The following INVS variants were observed in gnomAD, a reference collection of about 807,000 sequenced individuals.
INVS encodes the protein inversion of embryo turning homolog.
Under a neutral mutation model 108.8 loss-of-function variants are expected in INVS, and 86 were observed. That is an observed-to-expected ratio of 0.79 (90% CI 0.66 to 0.95). The LOEUF (loss-of-function observed/expected upper bound fraction) is 0.95. INVS is among the 40% of genes least tolerant of loss of function. The pLI is 0.00. For synonymous variants in INVS, 455 were observed against 473.5 expected (o/e 0.96, Z 0.51); for missense variants, 1,169 against 1,297.4 (o/e 0.90, Z 1.52).
At chr9:100,245,914 C>A (rs914947390) in intron 7 of INVS, among the ~76,000 whole-genome samples, 1 of 151,956 alleles carries the variant, frequency 6.6e-6, no homozygotes, top group Non-Finnish European at 1.5e-5. Context: ...CCTGTAATTC[C>A]AGCACTTTGG....
Position 100,292,600 on chromosome 9 carries a change from C to T in INVS, c.2343C>T (p.Asp781=). The T allele has an allele frequency of 6.2e-7, 1 of 1,614,210 alleles. No homozygotes were observed. The highest frequency in any genetic ancestry group is 8.5e-7 in the Non-Finnish European group (1 of 1,180,038). Residue 781 remains aspartate (D), a synonymous_variant, in exon 14 of 17, where the codon GAC becomes GAT. Coordinates refer to ENST00000262457, the MANE Select transcript of INVS (RefSeq NM_014425.5). ...DSHWKPSRRH[D]TEPKAKCAPQ... ...ACTGGAAGCCCAGCAGGCGGCATGACACAGAACCCAAGGCCAAATGTGCCC... is the reference window on the plus strand; with the variant it reads ...ACTGGAAGCCCAGCAGGCGGCATGATACAGAACCCAAGGCCAAATGTGCCC...
chr9:100,215,140 A>G (rs776945896), intron 3 of INVS: 1 of 152,174 alleles, frequency 6.6e-6, no homozygotes, highest in Non-Finnish European at 1.5e-5. Flanking sequence ...ACTCAATCAG[A>G]TGGTCATTAT....
rs561501135 is a variant in INVS, at chr9:100,156,957, T to C, written c.273+30408T>C. ...ATATATATATATACACACACACACA[T>C]ATATATATAGGGATATTCATTCATC... On this transcript the variant is annotated intron_variant, in intron 3 of 16. Transcript: ENST00000262457. 1.0e-3 allele frequency among the ~76,000 whole-genome samples: 110 copies of C among 108,776 alleles called. 2 individuals are homozygous for C. The South Asian group carries it at 0.018, about 17-fold the overall frequency. 71.4% of individuals were successfully genotyped at this position (108,776 alleles called of 152,430 possible).
chr9:100,171,114 G>A (rs555314017), intron 3 of INVS, among the ~76,000 whole-genome samples: 23 of 152,212 alleles, frequency 1.5e-4, no homozygotes. Flanking sequence ...TCTCAAGGAG[G>A]GAAAGAATAT....
chr9:100,106,798 G>A (rs1442750361), intron 2 of INVS, among the ~76,000 whole-genome samples: 10 of 152,130 alleles, frequency 6.6e-5, no homozygotes, highest in Admixed American at 6.5e-4. Context: ...CAGGAAGGAG[G>A]AAGAGAGAGC....
At chr9:100,229,605 A>G (rs1831442410) in intron 4 of INVS, 55 bp from the exon 5 acceptor site, 2 of 1,521,630 alleles carry the variant, frequency 1.3e-6, no homozygotes, top group Non-Finnish European at 9.1e-7. Context: ...ACAATAAAAG[A>G]TTGGGGAAAG....
At chr9:100,154,329 T>C (rs976017096) in intron 3 of INVS, among the ~76,000 whole-genome samples, 2 of 133,392 alleles carry the variant, frequency 1.5e-5, no homozygotes, top group Non-Finnish European at 3.1e-5. Flanking sequence ...CACAACCGAC[T>C]AATTTTTTTT....
chr9:100,292,952 C>A lies in INVS; in HGVS notation c.2695C>A (p.Arg899=), dbSNP rs200844390. The change falls in exon 14 of 17, where the codon CGA becomes AGA. Residue 899 remains arginine, a synonymous_variant. Coordinates refer to ENST00000262457, the MANE Select transcript of INVS (RefSeq NM_014425.5). ...TATTGACCTTCTCCCCGTAGAGCTC[C>A]GACTGCAGATAATTCAGAGAGAACG... The part of the protein sequence containing the change: ...VNIDLLPVEL[R]LQIIQRERRR... The A allele has an allele frequency of 3.1e-6, 5 of 1,612,902 alleles. No individual in the cohort carries two copies. In the Admixed American group the frequency reaches 8.3e-5, roughly 27 times the overall value.
intron 3 of INVS, among the ~76,000 whole-genome samples, chr9:100,221,112 A>G (rs1203666934): frequency 6.6e-6 from 1 of 152,194 alleles, no homozygotes; most frequent in East Asian, 1.9e-4. Flanking sequence ...AGAAGGTTTT[A>G]CAGGAAGCAA....
chr9:100,296,874 G>T, intron 14 of INVS, 43 bp from the exon 15 acceptor site: 1 of 1,489,640 alleles, frequency 6.7e-7, no homozygotes, highest in African/African-American at 1.4e-5. Context: ...AGTTTTCTCA[G>T]TACTGTGATC....
chr9:100,284,256 A>G lies in INVS; in HGVS notation c.1785-64A>G, dbSNP rs1365866111. 2.5e-6 allele frequency: 4 copies of G among 1,590,772 alleles called. No individual in the cohort carries two copies. In the African/African-American group the frequency reaches 5.4e-5, roughly 21 times the overall value. On this transcript the variant is annotated intron_variant, in intron 12 of 16. Coordinates refer to ENST00000262457, the MANE Select transcript of INVS (RefSeq NM_014425.5). Reference sequence around the variant, plus strand: ...AGCTCCTCTTAAAATTTAAACTCACACAGAGACTTGAGGAGGTGATACTCT... The same window carrying G: ...AGCTCCTCTTAAAATTTAAACTCACGCAGAGACTTGAGGAGGTGATACTCT...
At chr9:100,274,008 G>A (rs1459157321) in intron 12 of INVS, among the ~76,000 whole-genome samples, 3 of 152,066 alleles carry the variant, frequency 2.0e-5, no homozygotes, top group Non-Finnish European at 2.9e-5. Flanking sequence ...TTTTTTGGAC[G>A]ATGATACAAA....
intron 3 of INVS, among the ~76,000 whole-genome samples, chr9:100,168,509 G>C (rs180751849): frequency 6.6e-6 from 1 of 152,310 alleles, no homozygotes; most frequent in Admixed American, 6.5e-5. Flanking sequence ...GAAGGTGTTA[G>C]CTGCAGTGAC....
At chr9:100,163,661 G>T (rs1829264594) in intron 3 of INVS, among the ~76,000 whole-genome samples, 1 of 152,090 alleles carries the variant, frequency 6.6e-6, no homozygotes, top group African/African-American at 2.4e-5. Flanking sequence ...AATATAAATA[G>T]GGTGATCAGG....
intron 12 of INVS, 48 bp downstream of exon 12, chr9:100,273,124 T>C: frequency 6.8e-7 from 1 of 1,464,120 alleles, no homozygotes; most frequent in Non-Finnish European, 9.6e-7. Context: ...AGAATCAGGG[T>C]GGAAGTGGGG....
intron 3 of INVS, among the ~76,000 whole-genome samples, chr9:100,209,095 T>C (rs1830757669): frequency 6.6e-6 from 1 of 152,092 alleles, no homozygotes; most frequent in Non-Finnish European, 1.5e-5. Context: ...CCCCATGGAG[T>C]AGCATTTTTG....
At chr9:100,147,432 A>G (rs1460298761) in intron 3 of INVS, among the ~76,000 whole-genome samples, 1 of 152,254 alleles carries the variant, frequency 6.6e-6, no homozygotes, top group Non-Finnish European at 1.5e-5. Flanking sequence ...AAATATACGT[A>G]TAAAAGTCAT....
At chr9:100,129,259 A>G (rs1806434481) in intron 3 of INVS, among the ~76,000 whole-genome samples, 1 of 149,442 alleles carries the variant, frequency 6.7e-6, no homozygotes, top group Admixed American at 6.7e-5. Context: ...AGGTGGGTGG[A>G]TCACTTGAGG....
At chr9:100,220,384 T>A (rs1340682393) in intron 3 of INVS, among the ~76,000 whole-genome samples, 2 of 152,008 alleles carry the variant, frequency 1.3e-5, no homozygotes, top group Admixed American at 1.3e-4. Flanking sequence ...GACCACCTAA[T>A]GAAAAACGAA....
Sources: gnomAD v4.1 joint callset for allele counts (sites outside exome capture counted in the v4.1 genomes callset) on GRCh38, gnomAD v4.1.1 for gene constraint, MANE v1.5 for transcripts, NCBI Gene and HGNC (gene_info 2026-07-23, HGNC 2026-07-21) for gene names.